CCDC187: variants seen among roughly 807,000 people sequenced by gnomAD.
CCDC187 encodes coiled-coil domain-containing protein 187.
CCDC187 carries 32 observed loss-of-function variants against 38.0 expected under a neutral mutation model. That is an observed-to-expected ratio of 0.84 (90% CI 0.64 to 1.13). The LOEUF (loss-of-function observed/expected upper bound fraction) is 1.13, where lower values mean the gene tolerates loss of function less well. Ranked by LOEUF, CCDC187 falls within the 50% of genes most tolerant of loss-of-function variation. The pLI, the probability that CCDC187 is intolerant of heterozygous loss-of-function variation, is 0.00. For missense variants in CCDC187, 707 were observed against 786.8 expected (o/e 0.90, Z 1.21); for synonymous variants, 333 against 347.9 (o/e 0.96, Z 0.48).
In CCDC187 at chr9:136,286,604, C is replaced by T. The variant is rs981578363; in HGVS notation, c.2314G>A (p.Val772Met). The change falls in exon 8 of 26, where the codon GTG becomes ATG. Residue 772 changes from valine to methionine, a missense_variant. By Grantham distance (21) the Val-to-Met change is conservative. Transcript: ENST00000638797. ...AGAGAGGGTGAAGCTGACAGCAGCA[C>T]GGGGGCATCCCGGCCATCTTGGGGG... ...GGPQDGRDAP[V>M]LLSASPSLGS... 2.3e-5 allele frequency: 9 copies of T among 398,576 alleles called. No individual in the cohort carries two copies. Among genetic ancestry groups the T allele is most frequent in the Non-Finnish European group, 3.5e-5 (8 of 226,164 alleles). 24.7% of individuals were successfully genotyped at this position (398,576 alleles called of 1,614,324 possible). A position where few individuals can be genotyped will look rare whatever the true frequency, so the allele number is the denominator to read the frequency against.
chr9:136,263,001 C>G (rs564492879), intron 18 of CCDC187, among the ~76,000 whole-genome samples: 66 of 152,190 alleles, frequency 4.3e-4, no homozygotes, highest in African/African-American at 1.5e-3. Flanking sequence ...AGGGGCTGGC[C>G]TCCCTGAGGA....
intron 2 of CCDC187, among the ~76,000 whole-genome samples, chr9:136,300,688 C>G (rs1360964224): frequency 6.6e-6 from 1 of 152,142 alleles, no homozygotes; most frequent in Non-Finnish European, 1.5e-5. Flanking sequence ...ACCTCCACCT[C>G]CCAGATTCAA....
intron 6 of CCDC187, 33 bp from the exon 7 acceptor site, chr9:136,290,086 C>G (rs934241560): frequency 2.5e-6 from 1 of 398,654 alleles, no homozygotes; most frequent in African/African-American, 2.1e-5. Context: ...CAGAGCCCCC[C>G]GCTCGGGAAG....
At chr9:136,266,489 G>A (rs1258191699) in intron 16 of CCDC187, 2 of 152,174 alleles carry the variant, frequency 1.3e-5, no homozygotes, top group East Asian at 1.9e-4. Flanking sequence ...AGTATCAAGC[G>A]GCTTCCAGAT....
At chr9:136,292,810 G>A (rs1831367743) in intron 4 of CCDC187, among the ~76,000 whole-genome samples, 1 of 152,250 alleles carries the variant, frequency 6.6e-6, no homozygotes, top group African/African-American at 2.4e-5. Flanking sequence ...TAAGCCAGCA[G>A]AGCCAGCAGT....
rs570227283 is a variant in CCDC187, at chr9:136,264,565, G to A, written c.3736-767C>T. Among the ~76,000 whole-genome samples, 16 of 152,274 alleles carry A rather than the reference G, an allele frequency of 1.1e-4. No individual in the cohort carries two copies. The East Asian group carries it at 1.7e-3, about 17-fold the overall frequency. ...TCCGTATCTGAGAGGACCTGTGCAT[G>A]GGTCTGTGGCCTGGGTCTCCGCCCC... On this transcript the variant is annotated intron_variant, in intron 17 of 25. Coordinates refer to ENST00000638797, the MANE Select transcript of CCDC187 (RefSeq NM_001378188.1). This position sits in a 1 kb window ranked among gnomAD's most constrained non-coding sequence, Gnocchi z 4.3.
chr9:136,264,911 T>C lies in CCDC187; in HGVS notation c.3735+1045A>G, dbSNP rs1381052346. 6.6e-6 allele frequency among the ~76,000 whole-genome samples: 1 copy of C among 152,122 alleles called. No individual in the cohort carries two copies. Among genetic ancestry groups the C allele is most frequent in the Non-Finnish European group, 1.5e-5 (1 of 68,010 alleles). On this transcript the variant is annotated intron_variant, in intron 17 of 25. Transcript: ENST00000638797. This position sits in a 1 kb window ranked among gnomAD's most constrained non-coding sequence, Gnocchi z 4.3. ...GCTGGGACTATAGGCATTGGCCACC[T>C]ATAGTGGCAGATTTATTTTTTGTAG...
chr9:136,299,769 C>T (rs1009032828), intron 3 of CCDC187, among the ~76,000 whole-genome samples: 139 of 152,220 alleles, frequency 9.1e-4, no homozygotes, highest in African/African-American at 3.0e-3. Flanking sequence ...AGCCCGCCAA[C>T]GGTTCAGCGT....
At position 136,256,337 on chromosome 9, in the gene CCDC187, G is replaced by T; in HGVS notation, c.4504-14C>A. The T allele has an allele frequency of 1.0e-6, 1 of 981,120 alleles. No individual in the cohort carries two copies. The allele number at this position is 981,120 out of a possible 1,614,324, so 60.8% of individuals were successfully genotyped here. ...CTCAGCCACCTGCTGGAGAGACGTTGCAGAAATGACACTGTTGGGGTGTGG... is the reference window on the plus strand; with the variant it reads ...CTCAGCCACCTGCTGGAGAGACGTTTCAGAAATGACACTGTTGGGGTGTGG... On this transcript the variant is annotated splice_polypyrimidine_tract_variant and intron_variant, in intron 23 of 25. Transcript: ENST00000638797.
intron 2 of CCDC187, among the ~76,000 whole-genome samples, chr9:136,301,724 C>G (rs1030468612): frequency 1.3e-5 from 2 of 151,454 alleles, no homozygotes; most frequent in Non-Finnish European, 2.9e-5. Flanking sequence ...GTAGCTGGGA[C>G]TACAGGCGCC....
chr9:136,268,549 T>C (rs1280757646), intron 14 of CCDC187, among the ~76,000 whole-genome samples: 1 of 152,172 alleles, frequency 6.6e-6, no homozygotes. Context: ...CTGCTGGCCA[T>C]GCTTCTGTTC....
intron 14 of CCDC187, among the ~76,000 whole-genome samples, chr9:136,273,647 AT>A (rs1276295567): frequency 2.0e-5 from 3 of 152,230 alleles, no homozygotes; most frequent in Non-Finnish European, 4.4e-5. Context: ...GAAGAGCGTG[AT>A]CCACCAACTT....
At chr9:136,290,138 C>T (rs1024076315) in intron 6 of CCDC187, 85 bp from the exon 7 acceptor site, 8 of 398,134 alleles carry the variant, frequency 2.0e-5, no homozygotes, top group Middle Eastern at 1.2e-3. Context: ...TAGGCCTTGA[C>T]CTCCCTTGGG....
chr9:136,277,548 A>G (rs1830957572), intron 10 of CCDC187, among the ~76,000 whole-genome samples: 1 of 151,466 alleles, frequency 6.6e-6, no homozygotes, highest in Non-Finnish European at 1.5e-5. Context: ...TGATGTAAGC[A>G]CCTGGCACAA....
At chr9:136,294,976 G>T (rs943145184) in intron 4 of CCDC187, among the ~76,000 whole-genome samples, 8 of 152,220 alleles carry the variant, frequency 5.3e-5, no homozygotes, top group Non-Finnish European at 1.0e-4. Context: ...ACTTATCCAT[G>T]CCTCAGTTTC....
Position 136,254,935 on chromosome 9 carries a change from C to T in CCDC187, c.4893G>A (p.Glu1631=). Residue 1631 remains glutamate, a synonymous_variant, in exon 26 of 26, where the codon GAG becomes GAA. Coordinates refer to ENST00000638797, the MANE Select transcript of CCDC187 (RefSeq NM_001378188.1). ...TCAGGGTAGCCGCTGCTTTCTGGAACTCCCAGAGAGAGGGACAGGACAGGC... is the reference window on the plus strand; with the variant it reads ...TCAGGGTAGCCGCTGCTTTCTGGAATTCCCAGAGAGAGGGACAGGACAGGC... ...VSSLSCPSLW[E]FQKAAATLIQ... 2 of 985,548 alleles carry T rather than the reference C, an allele frequency of 2.0e-6. No homozygotes were observed. Among genetic ancestry groups the T allele is most frequent in the Non-Finnish European group, 2.4e-6 (2 of 829,982 alleles). The allele number at this position is 985,548 out of a possible 1,614,324, so 61.1% of individuals were successfully genotyped here. A position where few individuals can be genotyped will look rare whatever the true frequency, so the allele number is the denominator to read the frequency against.
chr9:136,269,152 G>A (rs1248690543), intron 14 of CCDC187, among the ~76,000 whole-genome samples: 1 of 152,192 alleles, frequency 6.6e-6, no homozygotes, highest in Non-Finnish European at 1.5e-5. Flanking sequence ...TGGTAATGAC[G>A]CCTGTTTCCA....
intron 3 of CCDC187, among the ~76,000 whole-genome samples, 171 bp downstream of exon 3, chr9:136,300,049 G>A (rs1453340387): frequency 6.6e-6 from 1 of 152,258 alleles, no homozygotes; most frequent in African/African-American, 2.4e-5. Context: ...TAGAACACAG[G>A]CTCCAGAGAA....
At chr9:136,285,715 G>C in intron 8 of CCDC187, 109 bp from the exon 9 acceptor site, 1 of 397,724 alleles carries the variant, frequency 2.5e-6, no homozygotes. Context: ...TGACAGGGGT[G>C]GGGGTGTGGC....
Sources: gnomAD v4.1 joint callset for allele counts (sites outside exome capture counted in the v4.1 genomes callset) on GRCh38, gnomAD v4.1.1 for gene constraint, Gnocchi (gnomAD v3.1) non-coding constraint, MANE v1.5 for transcripts, NCBI Gene and HGNC (gene_info 2026-07-23, HGNC 2026-07-21) for gene names.